KALRN: variants seen among roughly 807,000 people sequenced by gnomAD.
The protein encoded by KALRN is kalirin.
Under a neutral mutation model 353.7 loss-of-function variants are expected in KALRN, and 70 were observed. The observed-to-expected ratio is 0.20, with a 90% CI of 0.16 to 0.24. The LOEUF is 0.24. KALRN is among the 10% of genes least tolerant of loss of function. The pLI, the probability that KALRN is intolerant of heterozygous loss-of-function variation, is 1.00. For missense variants in KALRN, 2,791 were observed against 3,756.7 expected (o/e 0.74, Z 6.72); for synonymous variants, 1,391 against 1,434.8 (o/e 0.97, Z 0.69).
intron 10 of KALRN, among the ~76,000 whole-genome samples, chr3:124,383,212 TTGCC>T (rs1487518933): frequency 6.6e-6 from 1 of 152,210 alleles, no homozygotes; most frequent in African/African-American, 2.4e-5. Context: ...AGACAAGTGT[TTGCC>T]TGCCCATCTT....
At chr3:124,642,806 G>GTTGTTTTTTTTTTT (rs796628603) in intron 37 of KALRN, among the ~76,000 whole-genome samples, 1,356 of 96,572 alleles carry the variant, frequency 0.014, 126 homozygotes, top group Middle Eastern at 0.043. Flanking sequence ...CCCAAGCCTC[G>GTTGTTTTTTTTTTT]TTTTTTTTTT....
At chr3:124,460,686 A>T (rs1359122302) in intron 23 of KALRN, among the ~76,000 whole-genome samples, 2 of 152,196 alleles carry the variant, frequency 1.3e-5, no homozygotes, top group Non-Finnish European at 2.9e-5. Flanking sequence ...TGAGACCTGG[A>T]GAGGCAAGTC....
chr3:124,606,103 C>T (rs1319774282), intron 34 of KALRN, among the ~76,000 whole-genome samples: 6 of 152,194 alleles, frequency 3.9e-5, no homozygotes. Flanking sequence ...CATAGTCATG[C>T]ATCTGTTCAG....
chr3:124,595,485 A>G (rs1464089689), intron 34 of KALRN, among the ~76,000 whole-genome samples: 1 of 152,184 alleles, frequency 6.6e-6, no homozygotes, highest in South Asian at 2.1e-4. Flanking sequence ...TACACATTTT[A>G]TCATGTAAAT....
chr3:124,294,216 A>G (rs892104805), intron 5 of KALRN, among the ~76,000 whole-genome samples: 1 of 151,946 alleles, frequency 6.6e-6, no homozygotes. Flanking sequence ...GCTAACTTTT[A>G]GGGATAACTG....
chr3:124,694,276 C>T (rs969834228), intron 52 of KALRN, 56 bp from the exon 53 acceptor site: 9 of 1,549,054 alleles, frequency 5.8e-6, no homozygotes, highest in Admixed American at 5.2e-5. Context: ...AACAAAATGG[C>T]CATTTTATTC....
chr3:124,668,201 C>T (rs11714215), intron 47 of KALRN, among the ~76,000 whole-genome samples: 4,217 of 152,220 alleles, frequency 0.028, 80 homozygotes, highest in East Asian at 0.078. Flanking sequence ...TACACACGTA[C>T]AGGCCCACCC....
chr3:124,172,907 A>G (rs2072071811), intron 1 of KALRN, among the ~76,000 whole-genome samples: 1 of 152,180 alleles, frequency 6.6e-6, no homozygotes, highest in Non-Finnish European at 1.5e-5. Flanking sequence ...GACCAATCTG[A>G]CTATTAATCT....
At chr3:124,267,158 G>A (rs568077339) in intron 4 of KALRN, among the ~76,000 whole-genome samples, 1 of 152,314 alleles carries the variant, frequency 6.6e-6, no homozygotes, top group Admixed American at 6.5e-5. Flanking sequence ...AGAGATGAGA[G>A]TATAAGCTTG....
In KALRN at chr3:124,671,703, A is replaced by G. The variant is rs2086475550; in HGVS notation, c.6747A>G (p.Thr2249=). 2 of 1,614,150 alleles carry G rather than the reference A, an allele frequency of 1.2e-6. No homozygotes were observed. Among genetic ancestry groups the G allele is most frequent in the Middle Eastern group, 1.6e-4 (1 of 6,062 alleles). ...PIEYQRKERS[T]AVMRSQPARL... Reference sequence around the variant, plus strand: ...AGTATCAACGGAAAGAAAGGAGCACAGCTGTGATGAGGTCTCAACCTGCCA... The same window carrying G: ...AGTATCAACGGAAAGAAAGGAGCACGGCTGTGATGAGGTCTCAACCTGCCA... Residue 2249 remains threonine, a synonymous_variant, in exon 48 of 60, where the codon ACA becomes ACG. Transcript: ENST00000682506.
At chr3:124,042,291 T>TCAAA (rs2040034075) in intron 1 of KALRN, among the ~76,000 whole-genome samples, 1 of 152,162 alleles carries the variant, frequency 6.6e-6, no homozygotes, top group African/African-American at 2.4e-5. Context: ...TTATCAAATA[T>TCAAA]TTACTAGGCT....
chr3:124,561,880 A>G (rs547185303), intron 33 of KALRN, among the ~76,000 whole-genome samples: 31 of 152,312 alleles, frequency 2.0e-4, no homozygotes, highest in African/African-American at 7.5e-4. Flanking sequence ...TATGAGACAA[A>G]CTAATAACCG....
chr3:124,628,802 C>G (rs150308347), intron 34 of KALRN, among the ~76,000 whole-genome samples: 11 of 133,502 alleles, frequency 8.2e-5, no homozygotes, highest in Non-Finnish European at 1.2e-4. Flanking sequence ...GATGGCCAGG[C>G]TGGTCCTAAA....
chr3:124,528,208 C>T (rs899059015), intron 33 of KALRN, among the ~76,000 whole-genome samples: 15 of 152,208 alleles, frequency 9.9e-5, no homozygotes, highest in African/African-American at 2.7e-4. Flanking sequence ...ACCATGGTAA[C>T]TAGTACAAGG....
chr3:124,577,412 T>C (rs1296985125), intron 34 of KALRN, among the ~76,000 whole-genome samples: 2 of 152,076 alleles, frequency 1.3e-5, no homozygotes, highest in African/African-American at 4.8e-5. Flanking sequence ...ACCAAGTGGA[T>C]GATGGTACCC....
chr3:124,482,960 C>T (rs1322123689), intron 28 of KALRN, 60 bp downstream of exon 28: 23 of 1,143,472 alleles, frequency 2.0e-5, no homozygotes, highest in Non-Finnish European at 2.9e-5. Context: ...AAGGGAGTCC[C>T]AGCTTTGGCC....
intron 34 of KALRN, among the ~76,000 whole-genome samples, chr3:124,630,752 T>C (rs1229046558): frequency 6.6e-6 from 1 of 152,194 alleles, no homozygotes; most frequent in Non-Finnish European, 1.5e-5. Context: ...CATAAAATGT[T>C]TAGGCTATTG....
At chr3:124,357,742 G>A (rs951407763) in intron 10 of KALRN, among the ~76,000 whole-genome samples, 2 of 152,162 alleles carry the variant, frequency 1.3e-5, no homozygotes, top group Non-Finnish European at 2.9e-5. Flanking sequence ...TTAGCACAGT[G>A]CCATAATCAG....
chr3:124,316,189 G>T (rs1182815318), intron 6 of KALRN, among the ~76,000 whole-genome samples: 1 of 152,100 alleles, frequency 6.6e-6, no homozygotes, highest in East Asian at 1.9e-4. Flanking sequence ...GCCTCTTATT[G>T]CCGCCTCCAT....
Sources: gnomAD v4.1 joint callset for allele counts (sites outside exome capture counted in the v4.1 genomes callset) on GRCh38, gnomAD v4.1.1 for gene constraint, MANE v1.5 for transcripts, NCBI Gene and HGNC (gene_info 2026-07-23, HGNC 2026-07-21) for gene names.